NFIB: variants seen among roughly 807,000 people sequenced by gnomAD.
NFIB encodes nuclear factor 1 B-type.
A neutral mutation model predicts 61.5 loss-of-function variants in NFIB; 11 were observed. That is an observed-to-expected ratio of 0.18 (90% CI 0.11 to 0.30). The LOEUF (loss-of-function observed/expected upper bound fraction) is 0.30, where lower values mean the gene tolerates loss of function less well. Ranked by LOEUF, NFIB falls within the 10% of genes least tolerant of loss-of-function variation. NFIB has a pLI of 1.00. For synonymous variants in NFIB, 260 were observed against 216.5 expected, an observed-to-expected ratio of 1.20 and a Z score of -1.76; for missense variants, 471 against 608.9, an observed-to-expected ratio of 0.77 and a Z score of 2.38.
the NFIB span, among the ~76,000 whole-genome samples, chr9:14,462,487 T>C: frequency 6.6e-6 from 1 of 152,078 alleles, no homozygotes; most frequent in African/African-American, 2.4e-5. Context: ...TTTCACTGTG[T>C]TAGCCAGGAT....
chr9:14,138,168 GT>G (rs1217795229), intron 6 of NFIB, among the ~76,000 whole-genome samples: 3 of 152,112 alleles, frequency 2.0e-5, no homozygotes, highest in Non-Finnish European at 4.4e-5. Flanking sequence ...GTAAAATGGG[GT>G]TTCTGTCAGG....
chr9:14,217,082 T>C (rs2051011702), intron 2 of NFIB, among the ~76,000 whole-genome samples: 1 of 152,234 alleles, frequency 6.6e-6, no homozygotes, highest in Non-Finnish European at 1.5e-5. Context: ...CATAAGGATG[T>C]TATGCCCCAA....
the NFIB span, among the ~76,000 whole-genome samples, chr9:14,427,127 T>C: frequency 2.6e-5 from 4 of 152,186 alleles, no homozygotes; most frequent in Admixed American, 2.6e-4. Flanking sequence ...TTTTTCATAA[T>C]CTTATCATGA....
At chr9:14,520,172 G>A in the NFIB span, among the ~76,000 whole-genome samples, 3 of 151,872 alleles carry the variant, frequency 2.0e-5, no homozygotes, top group Non-Finnish European at 2.9e-5. Flanking sequence ...AACTCTTTAG[G>A]AAATACCCAT....
chr9:14,161,669 C>T (rs2044220484), intron 3 of NFIB, among the ~76,000 whole-genome samples: 1 of 151,908 alleles, frequency 6.6e-6, no homozygotes, highest in Non-Finnish European at 1.5e-5. Context: ...TTAACCATTC[C>T]ATTGTTTGGC....
chr9:14,443,833 G>A, the NFIB span, among the ~76,000 whole-genome samples: 2 of 152,124 alleles, frequency 1.3e-5, no homozygotes, highest in Non-Finnish European at 2.9e-5. Flanking sequence ...TATTCTCACT[G>A]CTGAGCATAC....
chr9:14,433,253 T>A, the NFIB span, among the ~76,000 whole-genome samples: 6 of 152,332 alleles, frequency 3.9e-5, no homozygotes, highest in South Asian at 1.2e-3. Flanking sequence ...AACCCCAGTC[T>A]TTTGGAAAAT....
chr9:14,321,340 G>C (rs1460716794), intron 1 of NFIB, among the ~76,000 whole-genome samples: 1 of 152,042 alleles, frequency 6.6e-6, no homozygotes, highest in Non-Finnish European at 1.5e-5. Context: ...AAAGTTGGTG[G>C]GGGGTGCGGA....
intron 6 of NFIB, among the ~76,000 whole-genome samples, chr9:14,131,978 T>G (rs2040457921): frequency 6.6e-6 from 1 of 152,106 alleles, no homozygotes; most frequent in Non-Finnish European, 1.5e-5. Context: ...TATGCTCGAG[T>G]AGATTAAGGT....
chr9:14,143,707 A>G (rs551244328), intron 6 of NFIB, among the ~76,000 whole-genome samples: 1 of 152,310 alleles, frequency 6.6e-6, no homozygotes, highest in East Asian at 1.9e-4. Context: ...AGCTATTTCA[A>G]TGACTGGAGT....
At chr9:14,129,215 A>T (rs955246392) in intron 6 of NFIB, among the ~76,000 whole-genome samples, 22 of 152,072 alleles carry the variant, frequency 1.4e-4, no homozygotes, top group African/African-American at 5.1e-4. Context: ...AACTGAAAGG[A>T]TTTGCTTTAG....
At chr9:14,474,583 A>G in the NFIB span, among the ~76,000 whole-genome samples, 1 of 152,326 alleles carries the variant, frequency 6.6e-6, no homozygotes, top group South Asian at 2.1e-4. Flanking sequence ...CCAAAGTCTC[A>G]TCTAAATATT....
the NFIB span, among the ~76,000 whole-genome samples, chr9:14,419,614 CA>C: frequency 7.1e-4 from 108 of 152,320 alleles, no homozygotes; most frequent in African/African-American, 2.4e-3. Flanking sequence ...GTAGCTGGCC[CA>C]GCTCACAGAA....
At chr9:14,418,899 C>T in the NFIB span, among the ~76,000 whole-genome samples, 4 of 152,046 alleles carry the variant, frequency 2.6e-5, no homozygotes, top group African/African-American at 9.7e-5. Context: ...CTAAAATGAG[C>T]TTTAGGTTGA....
chr9:14,438,033 C>A, the NFIB span, among the ~76,000 whole-genome samples: 1 of 139,964 alleles, frequency 7.1e-6, no homozygotes, highest in South Asian at 2.2e-4. Flanking sequence ...TGTGTGTGCG[C>A]GTATGTGCGT....
At chr9:14,523,593 A>G in the NFIB span, among the ~76,000 whole-genome samples, 1 of 152,170 alleles carries the variant, frequency 6.6e-6, no homozygotes, top group Admixed American at 6.5e-5. Context: ...ATCCTCTTAA[A>G]TGAAACTTAT....
chr9:14,454,299 C>A, the NFIB span, among the ~76,000 whole-genome samples: 18 of 152,172 alleles, frequency 1.2e-4, no homozygotes, highest in Admixed American at 2.0e-4. Context: ...GAACAGTGAG[C>A]CTCTGAGAAG....
intron 6 of NFIB, among the ~76,000 whole-genome samples, 163 bp downstream of exon 6, chr9:14,146,526 G>A (rs183739630): frequency 2.7e-4 from 41 of 152,120 alleles, no homozygotes; most frequent in South Asian, 1.2e-3. Context: ...TAACTTTGAC[G>A]ACATTTGACT....
chr9:14,157,225 C>T (rs560467640), intron 3 of NFIB, among the ~76,000 whole-genome samples: 52 of 152,294 alleles, frequency 3.4e-4, no homozygotes, highest in Non-Finnish European at 6.5e-4. Flanking sequence ...CCGAATTACG[C>T]ACACTGGCCT....
Sources: gnomAD v4.1 joint callset for allele counts (sites outside exome capture counted in the v4.1 genomes callset) on GRCh38, gnomAD v4.1.1 for gene constraint, MANE v1.5 for transcripts, NCBI Gene and HGNC (gene_info 2026-07-23, HGNC 2026-07-21) for gene names.